The following MLLT3 variants were observed in gnomAD, a reference collection of about 807,000 sequenced individuals.
MLLT3 encodes protein AF-9.
In MLLT3, 4 loss-of-function variants were observed where a neutral mutation model predicts 53.2. The ratio of observed to expected loss-of-function variants is 0.08; its 90% CI spans 0.04 to 0.17. MLLT3 has a LOEUF of 0.17. Ranked by LOEUF, MLLT3 falls within the 10% of genes least tolerant of loss-of-function variation. MLLT3 has a pLI of 1.00. For synonymous variants in MLLT3, 283 were observed against 230.6 expected, an observed-to-expected ratio of 1.23 and a Z score of -2.06; for missense variants, 569 against 684.0, an observed-to-expected ratio of 0.83 and a Z score of 1.87.
At chr9:20,439,434 G>GAA (rs200753760) in intron 4 of MLLT3, among the ~76,000 whole-genome samples, 9 of 115,212 alleles carry the variant, frequency 7.8e-5, no homozygotes, top group Non-Finnish European at 9.8e-5. Context: ...CAGTCATCAG[G>GAA]AAAAAAAAAA....
intron 2 of MLLT3, among the ~76,000 whole-genome samples, chr9:20,600,707 G>A (rs1401526270): frequency 6.6e-6 from 1 of 152,118 alleles, no homozygotes; most frequent in Non-Finnish European, 1.5e-5. Flanking sequence ...TTCTTTCAAA[G>A]CCAGAACTGA....
chr9:20,479,057 G>A (rs551665701), intron 2 of MLLT3, among the ~76,000 whole-genome samples: 5 of 152,282 alleles, frequency 3.3e-5, no homozygotes, highest in Admixed American at 2.0e-4. Context: ...ATCTGGCAGG[G>A]CCTGAATTCC....
chr9:20,492,345 C>G (rs147048935), intron 2 of MLLT3, among the ~76,000 whole-genome samples: 1 of 151,986 alleles, frequency 6.6e-6, no homozygotes, highest in Non-Finnish European at 1.5e-5. Flanking sequence ...AGAAAAAGAA[C>G]TTACAGATAG....
intron 2 of MLLT3, among the ~76,000 whole-genome samples, chr9:20,581,842 G>A (rs10811371): frequency 0.43 from 65,349 of 151,806 alleles, 14,437 homozygotes; most frequent in Middle Eastern, 0.5. Context: ...AACAACAACA[G>A]AAATGCATTT....
At chr9:20,575,953 C>G (rs1819641916) in intron 2 of MLLT3, among the ~76,000 whole-genome samples, 1 of 152,196 alleles carries the variant, frequency 6.6e-6, no homozygotes, top group Non-Finnish European at 1.5e-5. Context: ...CTATGAAAGT[C>G]CTAGATAACA....
intron 2 of MLLT3, among the ~76,000 whole-genome samples, chr9:20,563,048 T>G (rs1819255835): frequency 1.3e-5 from 2 of 152,128 alleles, no homozygotes; most frequent in African/African-American, 4.8e-5. Flanking sequence ...CTCATAAACC[T>G]GGAGCTAAGA....
intron 2 of MLLT3, among the ~76,000 whole-genome samples, chr9:20,475,145 T>C (rs371025074): frequency 1.3e-5 from 2 of 152,102 alleles, no homozygotes; most frequent in African/African-American, 2.4e-5. Flanking sequence ...GTGTGATTTA[T>C]ACAACTTTAA....
Position 20,622,290 on chromosome 9 carries a change from G to A in MLLT3, c.-34C>T, listed in dbSNP as rs750066777. ...GCCCGGAGGTTTGCTGGGGTGTTGTGTGGTACCCCCCCCTCCTCCGCCCCC... is the reference window on the plus strand; with the variant it reads ...GCCCGGAGGTTTGCTGGGGTGTTGTATGGTACCCCCCCCTCCTCCGCCCCC... On this transcript the variant is annotated 5_prime_UTR_variant, in exon 1 of 11. Transcript: ENST00000380338. The A allele has an allele frequency of 1.9e-6, 3 of 1,555,616 alleles. No individual in the cohort carries two copies. Among genetic ancestry groups the A allele is most frequent in the Admixed American group, 1.9e-5 (1 of 53,540 alleles).
At chr9:20,460,323 T>G (rs2118868497) in intron 2 of MLLT3, among the ~76,000 whole-genome samples, 1 of 152,368 alleles carries the variant, frequency 6.6e-6, no homozygotes, top group South Asian at 2.1e-4. Flanking sequence ...CAGAAGCTAC[T>G]GAATGAATAT....
intron 2 of MLLT3, among the ~76,000 whole-genome samples, chr9:20,497,650 G>A (rs1825112691): frequency 6.6e-6 from 1 of 152,032 alleles, no homozygotes; most frequent in African/African-American, 2.4e-5. Flanking sequence ...CCTCTTTATT[G>A]CTGAGTAGTG....
At chr9:20,486,020 ATGTAT>A (rs1824803655) in intron 2 of MLLT3, among the ~76,000 whole-genome samples, 1 of 152,266 alleles carries the variant, frequency 6.6e-6, no homozygotes, top group African/African-American at 2.4e-5. Flanking sequence ...ACAGAGATGC[ATGTAT>A]TGTATTATTT....
intron 5 of MLLT3, among the ~76,000 whole-genome samples, chr9:20,394,991 C>T (rs1170233512): frequency 3.9e-5 from 6 of 152,194 alleles, no homozygotes; most frequent in African/African-American, 1.4e-4. Flanking sequence ...AGAAAGGTCC[C>T]ACAAGAGTAA....
intron 2 of MLLT3, among the ~76,000 whole-genome samples, chr9:20,554,443 T>A (rs1819003970): frequency 1.3e-5 from 2 of 152,224 alleles, no homozygotes; most frequent in African/African-American, 4.8e-5. Context: ...TTAAAATTCA[T>A]TTTTAAAATT....
chr9:20,539,096 T>G (rs1338825402), intron 2 of MLLT3, among the ~76,000 whole-genome samples: 2 of 152,228 alleles, frequency 1.3e-5, no homozygotes, highest in East Asian at 3.8e-4. Flanking sequence ...TGCTGAAGGC[T>G]GGAGTAGCTG....
intron 2 of MLLT3, among the ~76,000 whole-genome samples, chr9:20,534,219 G>T (rs980264608): frequency 6.6e-6 from 1 of 152,140 alleles, no homozygotes; most frequent in Non-Finnish European, 1.5e-5. Context: ...TCATGTCTTC[G>T]GAAAGTTGCT....
At chr9:20,514,522 T>A (rs866887872) in intron 2 of MLLT3, among the ~76,000 whole-genome samples, 1 of 151,996 alleles carries the variant, frequency 6.6e-6, no homozygotes, top group Non-Finnish European at 1.5e-5. Flanking sequence ...TTTTATTTTT[T>A]TTTTGGTGGT....
chr9:20,584,211 C>G (rs567080465), intron 2 of MLLT3, among the ~76,000 whole-genome samples: 1 of 152,194 alleles, frequency 6.6e-6, no homozygotes, highest in Admixed American at 6.5e-5. Context: ...CTGTTCCCAA[C>G]AAGTTCCTCA....
chr9:20,544,895 G>C (rs1284831962), intron 2 of MLLT3, among the ~76,000 whole-genome samples: 1 of 152,056 alleles, frequency 6.6e-6, no homozygotes, highest in East Asian at 1.9e-4. Context: ...GACCAATCTA[G>C]GCAACAAAGT....
chr9:20,435,861 A>G (rs1428017077), intron 4 of MLLT3, among the ~76,000 whole-genome samples: 3 of 152,180 alleles, frequency 2.0e-5, no homozygotes, highest in Admixed American at 2.0e-4. Context: ...TCGGTCCTAG[A>G]TTCAAATATT....
Sources: gnomAD v4.1 joint callset for allele counts (sites outside exome capture counted in the v4.1 genomes callset) on GRCh38, gnomAD v4.1.1 for gene constraint, MANE v1.5 for transcripts, NCBI Gene and HGNC (gene_info 2026-07-23, HGNC 2026-07-21) for gene names.